SIPA1L2: variants seen among roughly 807,000 people sequenced by gnomAD.
SIPA1L2 encodes signal-induced proliferation-associated 1-like protein 2.
In SIPA1L2, 56 loss-of-function variants were observed where a neutral mutation model predicts 163.9. The observed-to-expected ratio is 0.34, with a 90% confidence interval of 0.28 to 0.43. The LOEUF (loss-of-function observed/expected upper bound fraction) is 0.43, where lower values mean the gene tolerates loss of function less well. Among genes scored for constraint, SIPA1L2 ranks in the 20% least tolerant of loss-of-function variants. The probability of loss-of-function intolerance (pLI) is 1.00; values close to 1 mark genes in which losing one functional copy is unlikely to be tolerated. For missense variants in SIPA1L2, 1,974 were observed against 2,193.5 expected (o/e 0.90, Z 2.00); for synonymous variants, 877 against 865.7 (o/e 1.01, Z -0.23).
At chr1:232,510,014 A>G (rs1000914485) in intron 3 of SIPA1L2, among the ~76,000 whole-genome samples, 1 of 151,688 alleles carries the variant, frequency 6.6e-6, no homozygotes, top group Non-Finnish European at 1.5e-5. Context: ...TTGCCTCCCC[A>G]CTCCCTCATT....
At chr1:232,578,517 G>C (rs1013437316) in intron 1 of SIPA1L2, among the ~76,000 whole-genome samples, 1 of 151,980 alleles carries the variant, frequency 6.6e-6, no homozygotes, top group Non-Finnish European at 1.5e-5. Context: ...TTTTCTCTAA[G>C]GAAGCTTTCT....
At chr1:232,575,148 G>T (rs1419833507) in intron 1 of SIPA1L2, among the ~76,000 whole-genome samples, 6 of 152,106 alleles carry the variant, frequency 3.9e-5, no homozygotes, top group Non-Finnish European at 7.4e-5. Flanking sequence ...GACTCAAAAC[G>T]CAACAATGTG....
At chr1:232,606,938 TAAGTA>T (rs914136381) in intron 1 of SIPA1L2, among the ~76,000 whole-genome samples, 102 of 152,156 alleles carry the variant, frequency 6.7e-4, no homozygotes, top group African/African-American at 2.4e-3. Flanking sequence ...AAATTTCTGT[TAAGTA>T]GAGTCTAGTA....
chr1:232,421,313 C>A (rs564013345), intron 18 of SIPA1L2, among the ~76,000 whole-genome samples: 15 of 152,224 alleles, frequency 9.9e-5, no homozygotes, highest in Non-Finnish European at 1.9e-4. Flanking sequence ...CTCTGGCTTG[C>A]GCACCTGCTC....
chr1:232,574,296 G>C (rs1307808077), intron 1 of SIPA1L2, among the ~76,000 whole-genome samples, 74 bp from the exon 2 acceptor site: 1 of 152,102 alleles, frequency 6.6e-6, no homozygotes, highest in Non-Finnish European at 1.5e-5. Flanking sequence ...TGTGGTCTGA[G>C]GAATCCCCAG....
intron 22 of SIPA1L2, among the ~76,000 whole-genome samples, chr1:232,400,414 C>T (rs115322057): frequency 2.0e-3 from 301 of 152,298 alleles, no homozygotes; most frequent in African/African-American, 6.7e-3. Flanking sequence ...TCAGTCTCTC[C>T]TGAAATTCCT....
intron 9 of SIPA1L2, chr1:232,462,300 T>G: frequency 1.3e-6 from 2 of 1,549,426 alleles, no homozygotes; most frequent in Non-Finnish European, 1.7e-6. Context: ...GGTATCATAC[T>G]CCTATCCCCA....
intron 1 of SIPA1L2, among the ~76,000 whole-genome samples, chr1:232,615,503 C>A (rs1662455368): frequency 6.6e-6 from 1 of 152,132 alleles, no homozygotes; most frequent in South Asian, 2.1e-4. Context: ...CACAGGAAAG[C>A]CAGAGGGCCC....
intron 5 of SIPA1L2, 57 bp downstream of exon 5, chr1:232,490,817 A>C: frequency 2.0e-6 from 3 of 1,522,988 alleles, no homozygotes; most frequent in Middle Eastern, 4.7e-4. Context: ...AAACTCCAAA[A>C]CTTTCAGAAA....
intron 16 of SIPA1L2, 59 bp from the exon 17 acceptor site, chr1:232,428,623 G>A (rs1449636823): frequency 1.5e-6 from 2 of 1,321,832 alleles, no homozygotes; most frequent in Non-Finnish European, 2.0e-6. Context: ...GTAGTGGTAA[G>A]AATTAAAACC....
chr1:232,515,558 T>TAACA lies in SIPA1L2; in HGVS notation c.-220_-219insTGTT. The TAACA allele has an allele frequency of 2.1e-6, 1 of 484,304 alleles. No homozygotes were observed. Among genetic ancestry groups the TAACA allele is most frequent in the Non-Finnish European group, 3.6e-6 (1 of 279,510 alleles). The allele number at this position is 484,304 out of a possible 1,614,324, so 30.0% of individuals were successfully genotyped here. A position where few individuals can be genotyped will look rare whatever the true frequency, so the allele number is the denominator to read the frequency against. ...TAATAATGTTGTACGCCTCTGTTCT[T>TAACA]TTCAAAAGCATTCCTTAAGACATCT... On this transcript the variant is annotated 5_prime_UTR_variant, in exon 3 of 23. The change creates a new upstream start codon in the 5' untranslated region. Transcript: ENST00000674635.
intron 1 of SIPA1L2, among the ~76,000 whole-genome samples, chr1:232,597,522 C>A (rs1354796656): frequency 6.3e-4 from 89 of 141,922 alleles, no homozygotes; most frequent in South Asian, 5.6e-3. Flanking sequence ...CTAAAAAATA[C>A]CAAAAAAAAA....
rs183272801 is a variant in SIPA1L2 at position 232,615,165 on chromosome 1, G to A, written c.-319+14704C>T. ...CACAAAACTCAAGAGCCCAAGAATG[G>A]TGGCCACACTCCATCTCCTGCCCCT... is the stretch of plus-strand genomic sequence containing the variant. On this transcript the variant is annotated intron_variant, in intron 1 of 22. Coordinates refer to ENST00000674635, the MANE Select transcript of SIPA1L2 (RefSeq NM_020808.5). 1.7e-3 allele frequency among the ~76,000 whole-genome samples: 256 copies of A among 152,332 alleles called. 1 individual carries two copies. Among genetic ancestry groups the A allele is most frequent in the Middle Eastern group, 3.4e-3 (1 of 294 alleles).
intron 2 of SIPA1L2, among the ~76,000 whole-genome samples, chr1:232,532,933 G>A (rs539938905): frequency 1.3e-5 from 2 of 152,250 alleles, no homozygotes; most frequent in African/African-American, 4.8e-5. Context: ...ATGAGGCTGG[G>A]GTCAAGACAA....
At chr1:232,507,721 T>C (rs1666792588) in intron 3 of SIPA1L2, among the ~76,000 whole-genome samples, 1 of 152,190 alleles carries the variant, frequency 6.6e-6, no homozygotes, top group African/African-American at 2.4e-5. Context: ...GCAAACACAG[T>C]CATTAACTTA....
At chr1:232,574,051 C>T (rs73097630) in intron 2 of SIPA1L2, among the ~76,000 whole-genome samples, 123 bp downstream of exon 2, 1 of 151,960 alleles carries the variant, frequency 6.6e-6, no homozygotes, top group Non-Finnish European at 1.5e-5. Context: ...AAAATAAAAA[C>T]ATACACTCTA....
At chr1:232,535,155 G>C (rs1236214830) in intron 2 of SIPA1L2, among the ~76,000 whole-genome samples, 2 of 152,118 alleles carry the variant, frequency 1.3e-5, no homozygotes, top group Non-Finnish European at 2.9e-5. Flanking sequence ...AAGATAAAAG[G>C]GAATTTAATA....
intron 2 of SIPA1L2, among the ~76,000 whole-genome samples, chr1:232,519,476 C>G (rs1163621661): frequency 6.6e-6 from 1 of 151,650 alleles, no homozygotes; most frequent in Non-Finnish European, 1.5e-5. Flanking sequence ...AATCTAAAGA[C>G]CTGGTCAAAA....
intron 19 of SIPA1L2, among the ~76,000 whole-genome samples, chr1:232,407,877 T>C (rs1458408353): frequency 6.6e-6 from 1 of 152,188 alleles, no homozygotes; most frequent in African/African-American, 2.4e-5. Flanking sequence ...CTACTCAAAA[T>C]CCTAGAGCTT....
Sources: allele counts gnomAD v4.1 joint callset (sites outside exome capture counted in the v4.1 genomes callset), GRCh38; gene constraint gnomAD v4.1.1; transcripts MANE v1.5; gene names NCBI Gene and HGNC (gene_info 2026-07-23, HGNC 2026-07-21).